Variants in RIT2 observed in about 807,000 individuals in gnomAD.
RIT2 encodes the protein GTP-binding protein Rit2.
A neutral mutation model predicts 23.7 loss-of-function variants in RIT2; 24 were observed. The observed-to-expected ratio is 1.01, with a 90% CI of 0.73 to 1.43. The LOEUF is 1.43. Ranked by LOEUF, RIT2 falls within the 40% of genes most tolerant of loss-of-function variation. RIT2 has a pLI of 0.00. For synonymous variants in RIT2, 107 were observed against 91.1 expected (o/e 1.17, Z -0.99); for missense variants, 236 against 266.9 (o/e 0.88, Z 0.81).
chr18:43,070,453 C>G (rs1474282570), intron 1 of RIT2, among the ~76,000 whole-genome samples: 3 of 152,122 alleles, frequency 2.0e-5, no homozygotes. Context: ...TTCGATTCAG[C>G]TCAATAAAAC....
chr18:42,818,834 G>A (rs1399807733), intron 4 of RIT2, among the ~76,000 whole-genome samples: 1 of 152,006 alleles, frequency 6.6e-6, no homozygotes, highest in Non-Finnish European at 1.5e-5. Context: ...AGTATATCCA[G>A]TTGACAGTTA....
intron 4 of RIT2, among the ~76,000 whole-genome samples, chr18:42,889,786 CAT>C (rs1233018421): frequency 3.3e-5 from 5 of 152,138 alleles, no homozygotes; most frequent in Admixed American, 6.5e-5. Flanking sequence ...CATAAGCAGA[CAT>C]GTGTGTTGAC....
chr18:42,760,140 C>T (rs528247425), intron 4 of RIT2, among the ~76,000 whole-genome samples: 3 of 152,306 alleles, frequency 2.0e-5, no homozygotes, highest in African/African-American at 7.2e-5. Flanking sequence ...TCCAAGTCTC[C>T]ATCCCCTTGG....
chr18:43,065,951 T>G (rs1912762107), intron 1 of RIT2, among the ~76,000 whole-genome samples: 1 of 152,202 alleles, frequency 6.6e-6, no homozygotes, highest in African/African-American at 2.4e-5. Context: ...ATGTTAAGGC[T>G]ATACAATTAC....
intron 1 of RIT2, among the ~76,000 whole-genome samples, chr18:43,103,239 A>T (rs769467571): frequency 6.6e-6 from 1 of 151,964 alleles, no homozygotes; most frequent in Non-Finnish European, 1.5e-5. Context: ...GCTTAGTTTT[A>T]TTTTACTACA....
At chr18:42,871,748 CTTA>C (rs1182914827) in intron 4 of RIT2, among the ~76,000 whole-genome samples, 2 of 152,174 alleles carry the variant, frequency 1.3e-5, no homozygotes, top group Non-Finnish European at 2.9e-5. Context: ...GTGTGCTGGG[CTTA>C]CAAGTGAAAG....
chr18:43,080,957 A>G (rs1276242518), intron 1 of RIT2, among the ~76,000 whole-genome samples: 2 of 152,194 alleles, frequency 1.3e-5, no homozygotes. Context: ...GACAACAGGG[A>G]TATACCAGGA....
rs146732963 is a variant in RIT2, at chr18:43,021,425, C to T, written c.160+12386G>A. Among the ~76,000 whole-genome samples, 554 of 152,158 alleles carry T rather than the reference C, an allele frequency of 3.6e-3. 3 individuals are homozygous for T. The highest frequency in any genetic ancestry group is 0.011 in the African/African-American group (468 of 41,516). On this transcript the variant is annotated intron_variant, in intron 2 of 4. Transcript: ENST00000326695. The stretch of plus-strand genomic sequence containing the variant: ...GTAGAGAAAATAGAACTCTTACACA[C>T]TGATGGTGAAAATGTAAATTAGTAT...
At chr18:43,058,613 G>A (rs1285099938) in intron 1 of RIT2, among the ~76,000 whole-genome samples, 1 of 152,086 alleles carries the variant, frequency 6.6e-6, no homozygotes, top group African/African-American at 2.4e-5. Flanking sequence ...CTCGTCAGGT[G>A]CAGTGTCTCA....
chr18:42,798,235 A>G (rs564141027), intron 4 of RIT2, among the ~76,000 whole-genome samples: 45 of 152,334 alleles, frequency 3.0e-4, no homozygotes, highest in Middle Eastern at 3.4e-3. Flanking sequence ...CTGAATTTAG[A>G]AAGCCCTGAA....
At chr18:42,842,713 C>T (rs556712062) in intron 4 of RIT2, among the ~76,000 whole-genome samples, 8 of 152,206 alleles carry the variant, frequency 5.3e-5, no homozygotes, top group South Asian at 2.1e-4. Flanking sequence ...TGTACCAACA[C>T]GATGCCACAA....
intron 1 of RIT2, among the ~76,000 whole-genome samples, chr18:43,053,657 C>T (rs190226094): frequency 1.5e-4 from 23 of 151,980 alleles, no homozygotes; most frequent in Non-Finnish European, 2.8e-4. Flanking sequence ...AAATGTTCTA[C>T]CTCGTATTCA....
intron 4 of RIT2, among the ~76,000 whole-genome samples, chr18:42,855,756 T>A (rs1907164054): frequency 6.6e-6 from 1 of 152,236 alleles, no homozygotes; most frequent in South Asian, 2.1e-4. Context: ...ATCCTGTTTT[T>A]TCTATTTTAT....
At chr18:43,091,533 TA>T (rs1913423014) in intron 1 of RIT2, among the ~76,000 whole-genome samples, 1 of 152,068 alleles carries the variant, frequency 6.6e-6, no homozygotes, top group Admixed American at 6.6e-5. Flanking sequence ...AATATGGCCA[TA>T]AGCAGCATGT....
intron 2 of RIT2, among the ~76,000 whole-genome samples, chr18:42,994,152 T>C (rs535074927): frequency 6.6e-6 from 1 of 152,294 alleles, no homozygotes; most frequent in African/African-American, 2.4e-5. Context: ...ACTATTCCTT[T>C]GCACCCTTCA....
rs148568877 is a variant in RIT2, at chr18:42,758,209, G to GA, written c.427-14490dup. 9.3e-4 allele frequency among the ~76,000 whole-genome samples: 139 copies of GA among 150,022 alleles called. 1 individual carries two copies. Among genetic ancestry groups the GA allele is most frequent in the Non-Finnish European group, 4.2e-4 (28 of 67,380 alleles). ...ATAGGGCTGGGGAAGGAAAGGATTAGAAAAAAAAAGACGTACAATTTCAAA... is the reference window on the plus strand; with the variant it reads ...ATAGGGCTGGGGAAGGAAAGGATTAGAAAAAAAAAAGACGTACAATTTCAAA... On this transcript the variant is annotated intron_variant, in intron 4 of 4. Transcript: ENST00000326695.
chr18:42,910,604 C>A (rs1257969995), intron 4 of RIT2, among the ~76,000 whole-genome samples: 1 of 152,066 alleles, frequency 6.6e-6, no homozygotes, highest in African/African-American at 2.4e-5. Context: ...AGCGGCAGAG[C>A]TGCAGAGTGG....
At chr18:42,971,264 C>T (rs1279990048) in intron 3 of RIT2, among the ~76,000 whole-genome samples, 1 of 151,972 alleles carries the variant, frequency 6.6e-6, no homozygotes, top group Non-Finnish European at 1.5e-5. Context: ...AGACCACCTC[C>T]TGAATGGAAG....
intron 4 of RIT2, among the ~76,000 whole-genome samples, chr18:42,787,553 C>T (rs521378): frequency 2.6e-5 from 4 of 152,146 alleles, no homozygotes; most frequent in East Asian, 1.9e-4. Context: ...TTAGCAGGTT[C>T]GGAGAAACAT....
Sources: allele counts gnomAD v4.1 joint callset (sites outside exome capture counted in the v4.1 genomes callset), GRCh38; gene constraint gnomAD v4.1.1; transcripts MANE v1.5; gene names NCBI Gene and HGNC (gene_info 2026-07-23, HGNC 2026-07-21).